Variants in SUSD1 observed in about 807,000 individuals in gnomAD.
SUSD1 encodes sushi domain-containing protein 1.
A neutral mutation model predicts 86.9 loss-of-function variants in SUSD1; 65 were observed. That is an observed-to-expected ratio of 0.75 (90% CI 0.61 to 0.92). The LOEUF is 0.92. SUSD1 is among the 40% of genes least tolerant of loss of function. SUSD1 has a pLI of 0.00. For missense variants in SUSD1, 850 were observed against 929.7 expected (o/e 0.91, Z 1.11); for synonymous variants, 346 against 350.0 (o/e 0.99, Z 0.13).
At chr9:112,096,971 T>G (rs1261986123) in intron 10 of SUSD1, among the ~76,000 whole-genome samples, 1 of 152,134 alleles carries the variant, frequency 6.6e-6, no homozygotes, top group Non-Finnish European at 1.5e-5. Flanking sequence ...GTGCTCCTTG[T>G]GCAAACTCTG....
chr9:112,117,673 C>A (rs988666646), intron 6 of SUSD1, among the ~76,000 whole-genome samples: 3 of 151,864 alleles, frequency 2.0e-5, no homozygotes, highest in African/African-American at 7.3e-5. Context: ...ATATAATGAC[C>A]ACCTCTCCTG....
intron 2 of SUSD1, among the ~76,000 whole-genome samples, chr9:112,149,850 A>T (rs1393178018): frequency 6.6e-6 from 1 of 152,172 alleles, no homozygotes; most frequent in African/African-American, 2.4e-5. Context: ...ACCAAGAAAC[A>T]CAATGGAATT....
chr9:112,155,417 G>A (rs1038301297), intron 2 of SUSD1, among the ~76,000 whole-genome samples: 1 of 152,128 alleles, frequency 6.6e-6, no homozygotes, highest in Non-Finnish European at 1.5e-5. Context: ...ATTCCCCCTG[G>A]AGCCTCAGAC....
intron 9 of SUSD1, among the ~76,000 whole-genome samples, chr9:112,101,750 G>A (rs930926504): frequency 6.6e-6 from 1 of 152,136 alleles, no homozygotes; most frequent in Admixed American, 6.5e-5. Flanking sequence ...GAAGGCTGAC[G>A]CAAGAGAATC....
Position 112,111,724 on chromosome 9 carries a change from G to A in SUSD1, c.1101C>T (p.Asn367=). 1 of 1,614,182 alleles carries A rather than the reference G, an allele frequency of 6.2e-7. No homozygotes were observed. The highest frequency in any genetic ancestry group is 8.5e-7 in the Non-Finnish European group (1 of 1,180,012). The change falls in exon 8 of 17, where the codon AAC becomes AAT. Residue 367 remains asparagine, a synonymous_variant. Coordinates refer to ENST00000374270, the MANE Select transcript of SUSD1 (RefSeq NM_022486.5). The part of the protein sequence containing the change: ...EVCLALYPGT[N]YTVNISTAPP... Reference sequence around the variant, plus strand: ...GTGCTGTGGAGATGTTCACGGTGTAGTTGGTGCCTGGGTACAGGGCTAGGC... The same window carrying A: ...GTGCTGTGGAGATGTTCACGGTGTAATTGGTGCCTGGGTACAGGGCTAGGC...
Position 112,148,672 on chromosome 9 carries a change from G to A in SUSD1, c.373+572C>T, listed in dbSNP as rs1442878714. ...ACTAATCCCAGCACTTTGGGAGGCCGAGGCGGGCAGATCACTTGAGGCCAG... is the reference window on the plus strand; with the variant it reads ...ACTAATCCCAGCACTTTGGGAGGCCAAGGCGGGCAGATCACTTGAGGCCAG... On this transcript the variant is annotated intron_variant, in intron 3 of 16. Transcript: ENST00000374270. Among the ~76,000 whole-genome samples the A allele has an allele frequency of 2.6e-5, 4 of 152,100 alleles. No individual in the cohort carries two copies. The South Asian group carries it at 6.2e-4, about 24-fold the overall frequency.
chr9:112,094,454 T>C (rs923165250), intron 10 of SUSD1, among the ~76,000 whole-genome samples: 4 of 152,152 alleles, frequency 2.6e-5, no homozygotes, highest in Admixed American at 6.5e-5. Flanking sequence ...GGATTCTAGA[T>C]AAGAAACTCT....
chr9:112,162,678 A>G (rs2131837595), intron 1 of SUSD1, among the ~76,000 whole-genome samples: 1 of 152,316 alleles, frequency 6.6e-6, no homozygotes, highest in Non-Finnish European at 1.5e-5. Flanking sequence ...CCTTGAGAGG[A>G]ATGTGGCTAT....
At chr9:112,123,294 G>A (rs1187729479) in intron 6 of SUSD1, among the ~76,000 whole-genome samples, 1 of 152,156 alleles carries the variant, frequency 6.6e-6, no homozygotes, top group African/African-American at 2.4e-5. Context: ...CACAGCAAGA[G>A]AGGGAGCCAG....
chr9:112,126,692 C>T (rs1462132489), intron 5 of SUSD1, among the ~76,000 whole-genome samples: 1 of 152,180 alleles, frequency 6.6e-6, no homozygotes, highest in Non-Finnish European at 1.5e-5. Context: ...TCTGAATCCC[C>T]TGGGAAGCTT....
intron 12 of SUSD1, among the ~76,000 whole-genome samples, chr9:112,066,597 C>T (rs1828988924): frequency 6.6e-6 from 1 of 152,144 alleles, no homozygotes; most frequent in South Asian, 2.1e-4. Context: ...ACCCTGTAAT[C>T]GCGAAACTCC....
In SUSD1 at chr9:112,102,228, C is replaced by T. The variant is rs571552769; in HGVS notation, c.1229G>A (p.Cys410Tyr). ...SFNISIFNET[C>Y]LKLNRRSRKV... ...CCTAGAACGCCTGTTCAATTTCAAA[C>T]AAGTTTCATTAAATATTGAAATATT... Residue 410 changes from cysteine (C) to tyrosine (Y), a missense_variant, in exon 9 of 17, where the codon TGT (cysteine) becomes TAT (tyrosine). Cys to Tyr is a radical substitution (Grantham distance 194). Coordinates refer to ENST00000374270, the MANE Select transcript of SUSD1 (RefSeq NM_022486.5). The T allele has an allele frequency of 8.7e-6, 14 of 1,603,894 alleles. No homozygotes were observed. In the Admixed American group the frequency reaches 2.2e-4, roughly 26 times the overall value.
Position 112,098,579 on chromosome 9 carries a change from A to T in SUSD1, c.1365T>A (p.Pro455=). 1 of 1,614,224 alleles carries T rather than the reference A, an allele frequency of 6.2e-7. No homozygotes were observed. The highest frequency in any genetic ancestry group is 8.5e-7 in the Non-Finnish European group (1 of 1,180,040). ...TAGGGTACAGATCCAAACACACTAC[A>T]GGCACTTGTTCCCTCGTTGTGAAGT... ...SFNFTTREQV[P]VVCLDLYPTT... Residue 455 remains proline (P), a synonymous_variant, in exon 10 of 17, where the codon CCT becomes CCA. Coordinates refer to ENST00000374270, the MANE Select transcript of SUSD1 (RefSeq NM_022486.5).
At chr9:112,069,601 C>CT (rs1160923121) in intron 12 of SUSD1, among the ~76,000 whole-genome samples, 18 of 152,140 alleles carry the variant, frequency 1.2e-4, no homozygotes, top group Non-Finnish European at 2.9e-5. Context: ...GTAAAATTAA[C>CT]TTTTTTTATT....
chr9:112,043,461 C>T (rs905322804), intron 15 of SUSD1, among the ~76,000 whole-genome samples: 3 of 152,182 alleles, frequency 2.0e-5, no homozygotes, highest in African/African-American at 4.8e-5. Context: ...ACTCACTGAC[C>T]CCCCCATCCC....
intron 8 of SUSD1, among the ~76,000 whole-genome samples, chr9:112,102,725 T>C (rs952577680): frequency 8.5e-5 from 13 of 152,186 alleles, no homozygotes; most frequent in African/African-American, 2.9e-4. Flanking sequence ...TCAAAGGCTA[T>C]AGATTTAAAC....
intron 10 of SUSD1, 103 bp downstream of exon 10, chr9:112,098,367 T>C (rs1411155080): frequency 1.7e-6 from 2 of 1,192,880 alleles, no homozygotes; most frequent in African/African-American, 1.5e-5. Flanking sequence ...CTGGAACCCC[T>C]GTCTCTTGAC....
chr9:112,072,502 C>T (rs1829328141), intron 12 of SUSD1, among the ~76,000 whole-genome samples: 1 of 152,114 alleles, frequency 6.6e-6, no homozygotes, highest in Admixed American at 6.6e-5. Flanking sequence ...ATTGTTACAG[C>T]TCAGCAAGCC....
At chr9:112,125,847 C>T (rs1208836384) in intron 5 of SUSD1, among the ~76,000 whole-genome samples, 1 of 152,192 alleles carries the variant, frequency 6.6e-6, no homozygotes, top group African/African-American at 2.4e-5. Flanking sequence ...TCTTTTACAT[C>T]CCATTATGGA....
Sources: allele counts gnomAD v4.1 joint callset (sites outside exome capture counted in the v4.1 genomes callset), GRCh38; gene constraint gnomAD v4.1.1; transcripts MANE v1.5; gene names NCBI Gene and HGNC (gene_info 2026-07-23, HGNC 2026-07-21).